Variants in ERC2 observed in about 807,000 individuals in gnomAD.
ERC2 encodes ELKS/RAB6-interacting/CAST family member 2.
Under a neutral mutation model 114.8 loss-of-function variants are expected in ERC2, and 42 were observed. The observed-to-expected ratio is 0.37, with a 90% CI of 0.29 to 0.47. The LOEUF (loss-of-function observed/expected upper bound fraction) is 0.47, where lower values mean the gene tolerates loss of function less well. ERC2 is among the 20% of genes least tolerant of loss of function. ERC2 has a pLI of 0.99. For synonymous variants in ERC2, 454 were observed against 425.5 expected, an observed-to-expected ratio of 1.07 and a Z score of -0.82; for missense variants, 939 against 1,150.7, an observed-to-expected ratio of 0.82 and a Z score of 2.66.
At chr3:56,348,891 GGAAGGAAGGAAGGAAA>G (rs1471112839) in intron 2 of ERC2, among the ~76,000 whole-genome samples, 4,180 of 33,328 alleles carry the variant, frequency 0.13, 199 homozygotes, top group Admixed American at 0.18. Context: ...AAGGAAGGAA[GGAAGGAAGGAAGGAAA>G]GAAGGAAGGA....
chr3:56,305,537 C>G (rs2150379362), intron 2 of ERC2, among the ~76,000 whole-genome samples: 1 of 151,974 alleles, frequency 6.6e-6, no homozygotes, highest in South Asian at 2.1e-4. Flanking sequence ...CACACACACA[C>G]ACACACACAC....
intron 7 of ERC2, among the ~76,000 whole-genome samples, chr3:56,028,112 A>G (rs2074161061): frequency 6.6e-6 from 1 of 152,040 alleles, no homozygotes; most frequent in African/African-American, 2.4e-5. Context: ...ACTTAGGCTT[A>G]TTTGTGTGGC....
chr3:56,089,791 G>T (rs998271419), intron 6 of ERC2, among the ~76,000 whole-genome samples: 2 of 152,108 alleles, frequency 1.3e-5, no homozygotes, highest in Non-Finnish European at 2.9e-5. Context: ...GGAGGATTCT[G>T]GCCCAACAGC....
chr3:55,798,394 C>T (rs566129153), intron 14 of ERC2, among the ~76,000 whole-genome samples: 9 of 152,022 alleles, frequency 5.9e-5, no homozygotes, highest in Admixed American at 3.3e-4. Context: ...GTCAGGAGAT[C>T]GAGACCATCC....
At chr3:55,786,989 C>G (rs1346576839) in intron 14 of ERC2, among the ~76,000 whole-genome samples, 2 of 152,152 alleles carry the variant, frequency 1.3e-5, no homozygotes, top group African/African-American at 4.8e-5. Flanking sequence ...ATATATATGG[C>G]TGCATTATGA....
At chr3:56,009,407 T>C (rs1029772770) in intron 9 of ERC2, among the ~76,000 whole-genome samples, 35 of 152,204 alleles carry the variant, frequency 2.3e-4, no homozygotes, top group Non-Finnish European at 4.6e-4. Context: ...ATTTTCTTTC[T>C]GATTTTCCTC....
chr3:55,880,613 C>T (rs1026864495), intron 14 of ERC2, among the ~76,000 whole-genome samples: 4 of 152,054 alleles, frequency 2.6e-5, no homozygotes, highest in Non-Finnish European at 5.9e-5. Flanking sequence ...CTGCAATAGG[C>T]TTTATCAGTG....
intron 2 of ERC2, among the ~76,000 whole-genome samples, chr3:56,380,009 T>C (rs2059688408): frequency 6.6e-6 from 1 of 152,108 alleles, no homozygotes; most frequent in Admixed American, 6.6e-5. Flanking sequence ...TCCTGTGCAT[T>C]GCAGGATGTT....
At chr3:55,801,312 G>A (rs116324617) in intron 14 of ERC2, among the ~76,000 whole-genome samples, 151 of 152,202 alleles carry the variant, frequency 9.9e-4, no homozygotes, top group African/African-American at 3.5e-3. Context: ...ACTCAAAACC[G>A]GTTAACTGTT....
intron 13 of ERC2, among the ~76,000 whole-genome samples, chr3:55,920,162 G>T (rs2065334108): frequency 6.6e-6 from 1 of 151,936 alleles, no homozygotes; most frequent in South Asian, 2.1e-4. Flanking sequence ...GAATCAGGAT[G>T]GAGTAAAATA....
Position 56,141,989 on chromosome 3 carries a change from G to A in ERC2, c.1306-2313C>T, listed in dbSNP as rs150146235. Among the ~76,000 whole-genome samples the A allele has an allele frequency of 2.0e-3, 299 of 152,192 alleles. 3 individuals are homozygous for A. The highest frequency in any genetic ancestry group is 7.0e-3 in the African/African-American group (291 of 41,542). On this transcript the variant is annotated intron_variant, in intron 5 of 17. Coordinates refer to ENST00000288221, the MANE Select transcript of ERC2 (RefSeq NM_015576.3). The stretch of plus-strand genomic sequence containing the variant: ...TCCTTCCTTTAATGTGTTTGGAAAT[G>A]GTTCCTGTGAAATTGGAATTTTTTT...
At chr3:56,190,664 C>T (rs1295219473) in intron 3 of ERC2, among the ~76,000 whole-genome samples, 1 of 152,044 alleles carries the variant, frequency 6.6e-6, no homozygotes, top group East Asian at 1.9e-4. Context: ...GTCTCAAATT[C>T]CTGGGTTCAA....
intron 14 of ERC2, among the ~76,000 whole-genome samples, chr3:55,857,090 G>A (rs1460723410): frequency 1.3e-5 from 2 of 152,038 alleles, no homozygotes; most frequent in Non-Finnish European, 2.9e-5. Flanking sequence ...ATTAGATAGT[G>A]GTGATGGGTT....
At chr3:55,634,903 T>TG (rs397958116) in intron 17 of ERC2, among the ~76,000 whole-genome samples, 1 of 151,806 alleles carries the variant, frequency 6.6e-6, no homozygotes, top group Non-Finnish European at 1.5e-5. Flanking sequence ...TTTTTTTTTT[T>TG]GACGAGTCTC....
At chr3:56,080,408 G>T (rs1177722586) in intron 7 of ERC2, among the ~76,000 whole-genome samples, 1 of 152,038 alleles carries the variant, frequency 6.6e-6, no homozygotes, top group Non-Finnish European at 1.5e-5. Context: ...AAATCTATAT[G>T]GGCTTCACAG....
intron 17 of ERC2, among the ~76,000 whole-genome samples, chr3:55,553,264 C>A (rs143305571): frequency 0.077 from 11,602 of 151,596 alleles, 601 homozygotes; most frequent in South Asian, 0.15. Flanking sequence ...TTGTGATCCA[C>A]CTGCCTCAGC....
intron 5 of ERC2, among the ~76,000 whole-genome samples, chr3:56,147,671 CA>C (rs1001852904): frequency 1.1e-4 from 16 of 152,170 alleles, no homozygotes; most frequent in African/African-American, 3.6e-4. Context: ...CATAAAGCAA[CA>C]AACAAAATTA....
intron 15 of ERC2, among the ~76,000 whole-genome samples, chr3:55,729,120 G>A (rs2065093516): frequency 6.6e-6 from 1 of 152,166 alleles, no homozygotes. Context: ...CTTCCTAACT[G>A]CACAGAAGTT....
chr3:56,283,876 C>G (rs985556505), intron 3 of ERC2, among the ~76,000 whole-genome samples: 1 of 152,180 alleles, frequency 6.6e-6, no homozygotes, highest in Non-Finnish European at 1.5e-5. Context: ...AAATAGGTTT[C>G]TGAGTGCAAG....
Sources: allele counts gnomAD v4.1 joint callset (sites outside exome capture counted in the v4.1 genomes callset), GRCh38; gene constraint gnomAD v4.1.1; transcripts MANE v1.5; gene names NCBI Gene and HGNC (gene_info 2026-07-23, HGNC 2026-07-21).